Variants in KRT7 observed in about 807,000 individuals in gnomAD.
KRT7 encodes keratin 7, also known as keratin, type II cytoskeletal 7.
KRT7 carries 50 observed loss-of-function variants against 42.8 expected under a neutral mutation model. The ratio of observed to expected loss-of-function variants is 1.17; its 90% CI spans 0.93 to 1.48. The LOEUF (loss-of-function observed/expected upper bound fraction) is 1.48, where lower values mean the gene tolerates loss of function less well. Ranked by LOEUF, KRT7 falls within the 40% of genes most tolerant of loss-of-function variation. The probability of loss-of-function intolerance (pLI) is 0.00; values close to 1 mark genes in which losing one functional copy is unlikely to be tolerated. For missense variants in KRT7, 588 were observed against 637.6 expected (o/e 0.92, Z 0.84); for synonymous variants, 268 against 266.3 (o/e 1.01, Z -0.06).
chr12:52,235,567 T>G (rs1384889272), intron 2 of KRT7, among the ~76,000 whole-genome samples: 1 of 152,190 alleles, frequency 6.6e-6, no homozygotes, highest in Non-Finnish European at 1.5e-5. Context: ...TTCCAAATCA[T>G]TCTGGTCTTT....
rs558352688 is a variant in KRT7, at chr12:52,246,092, A to T, written c.1205+460A>T. The T allele has an allele frequency of 1.2e-4, 19 of 161,146 alleles. No individual in the cohort carries two copies. The Admixed American group carries it at 1.2e-3, about 10-fold the overall frequency. The allele number at this position is 161,146 out of a possible 1,614,324, so 10.0% of individuals were successfully genotyped here. Reference sequence around the variant, plus strand: ...TCACTACAGAACTAAGTGCTACATCATGTGGGGCTAACTGACTGTGGTGGA... The same window carrying T: ...TCACTACAGAACTAAGTGCTACATCTTGTGGGGCTAACTGACTGTGGTGGA... On this transcript the variant is annotated intron_variant, in intron 7 of 8. Transcript: ENST00000331817.
chr12:52,255,347 C>T (rs1189305429), downstream of KRT7: 2 of 456,708 alleles, frequency 4.4e-6, no homozygotes, highest in African/African-American at 4.0e-5. Context: ...TGGGGTCACT[C>T]ACCTTCTTCA....
At chr12:52,236,609 A>T (rs1942015920) in intron 2 of KRT7, among the ~76,000 whole-genome samples, 2 of 152,286 alleles carry the variant, frequency 1.3e-5, no homozygotes, top group Admixed American at 1.3e-4. Flanking sequence ...AGGGAGTGCA[A>T]CTTTGAGGGT....
chr12:52,250,490 G>A (rs930699087), downstream of KRT7: 10 of 669,146 alleles, frequency 1.5e-5, no homozygotes, highest in Admixed American at 8.5e-5. Context: ...CGGAGCGGCC[G>A]CTGCCGCTGC....
intron 5 of KRT7, among the ~76,000 whole-genome samples, chr12:52,242,575 C>T (rs913964150): frequency 3.3e-5 from 5 of 152,130 alleles, no homozygotes; most frequent in Admixed American, 6.5e-5. Flanking sequence ...GGTGAGAACA[C>T]AAGTATGCCA....
chr12:52,245,753 G>C (rs1241478661), intron 7 of KRT7, 121 bp downstream of exon 7: 42 of 1,283,686 alleles, frequency 3.3e-5, no homozygotes, highest in Non-Finnish European at 6.4e-6. Context: ...TGGGTGTGGG[G>C]ATGCAGGGAA....
downstream of KRT7, chr12:52,253,262 T>G: frequency 6.2e-7 from 1 of 1,611,732 alleles, no homozygotes; most frequent in Non-Finnish European, 8.5e-7. Flanking sequence ...GATCATGCGG[T>G]TCAGCTCGTT....
chr12:52,245,291 G>T, intron 6 of KRT7, 121 bp from the exon 7 acceptor site: 1 of 871,734 alleles, frequency 1.1e-6, no homozygotes, highest in South Asian at 1.5e-5. Flanking sequence ...TCTGGTACTT[G>T]GGGGAGTAGG....
downstream of KRT7, chr12:52,255,239 C>T (rs1179454457): frequency 2.1e-5 from 9 of 423,348 alleles, no homozygotes; most frequent in Non-Finnish European, 4.3e-5. Flanking sequence ...CTCCGAACTA[C>T]AGAGAGCCTG....
At chr12:52,252,387 G>A (rs765464599), downstream of KRT7, 2 of 1,614,026 alleles carry the variant, frequency 1.2e-6, no homozygotes, top group African/African-American at 2.7e-5. Flanking sequence ...CTTCTGCAGG[G>A]CACCCTCCAG....
chr12:52,233,918 C>A (rs539938575), intron 1 of KRT7, among the ~76,000 whole-genome samples: 1 of 152,298 alleles, frequency 6.6e-6, no homozygotes, highest in East Asian at 1.9e-4. Context: ...GCCTGTTGGT[C>A]ACCTGGACCA....
rs771513440 is a variant in KRT7 at position 52,245,479 on chromosome 12, G to A, written c.1052G>A (p.Arg351His). The change falls in exon 7 of 9, where the codon CGT (arginine) becomes CAT (histidine). Residue 351 changes from arginine (R) to histidine (H), a missense_variant. Coordinates refer to ENST00000331817, the MANE Select transcript of KRT7 (RefSeq NM_005556.4). ...GGGGAGCTGGCGCTCAAGGATGCTC[G>A]TGCCAAGCAGGAGGAGCTGGAAGCC... Reference protein sequence around the residue: ...ERGELALKDARAKQEELEAAL... With the variant: ...ERGELALKDAHAKQEELEAAL... The A allele has an allele frequency of 1.1e-5, 17 of 1,613,910 alleles. No homozygotes were observed. Among genetic ancestry groups the A allele is most frequent in the South Asian group, 4.4e-5 (4 of 91,074 alleles).
intron 2 of KRT7, among the ~76,000 whole-genome samples, chr12:52,236,204 C>T (rs971435268): frequency 2.7e-5 from 4 of 150,822 alleles, no homozygotes; most frequent in Non-Finnish European, 4.4e-5. Context: ...AGTGCCCCCC[C>T]CCAACACTCC....
chr12:52,233,650 G>C, intron 1 of KRT7, 30 bp downstream of exon 1: 2 of 1,607,750 alleles, frequency 1.2e-6, no homozygotes, highest in Non-Finnish European at 1.7e-6. Flanking sequence ...GCCTCTCCTC[G>C]AGCCGCGCTC....
intron 3 of KRT7, 23 bp from the exon 4 acceptor site, chr12:52,238,657 C>G: frequency 6.8e-7 from 1 of 1,467,934 alleles, no homozygotes; most frequent in Non-Finnish European, 9.6e-7. Context: ...TCTCCCTCTG[C>G]CCCATCTTGC....
chr12:52,244,253 G>C, intron 6 of KRT7: 8 of 909,918 alleles, frequency 8.8e-6, no homozygotes, highest in Non-Finnish European at 1.1e-5. Flanking sequence ...AGGCAGGGCC[G>C]TGAGTCACCC....
rs1942091580 is a variant in KRT7, at chr12:52,241,582, T to C, written c.804T>C (p.Tyr268=). 6.2e-7 allele frequency: 1 copy of C among 1,613,618 alleles called. No homozygotes were observed. The highest frequency in any genetic ancestry group is 2.2e-5 in the East Asian group (1 of 44,856). The part of the protein sequence containing the change: ...DGIIAEVKAQ[Y]EEMAKCSRAE... ...TCATCGCTGAGGTCAAGGCGCAGTA[T>C]GAGGAGATGGCCAAATGCAGCCGGG... Residue 268 remains tyrosine, a synonymous_variant, in exon 5 of 9, where the codon TAT becomes TAC. Coordinates refer to ENST00000331817, the MANE Select transcript of KRT7 (RefSeq NM_005556.4).
intron 2 of KRT7, 119 bp from the exon 3 acceptor site, chr12:52,237,386 TCAGG>T: frequency 1.6e-6 from 1 of 640,290 alleles, no homozygotes; most frequent in Admixed American, 2.9e-5. Context: ...ACCTGTTTTT[TCAGG>T]TGTGTCTTTA....
intron 6 of KRT7, chr12:52,245,112 T>C (rs1344391541): frequency 3.9e-6 from 2 of 508,002 alleles, no homozygotes; most frequent in Non-Finnish European, 6.9e-6. Context: ...GGACATCTTG[T>C]ATATTATCTC....
Sources: gnomAD v4.1 joint callset for allele counts (sites outside exome capture counted in the v4.1 genomes callset) on GRCh38, gnomAD v4.1.1 for gene constraint, MANE v1.5 for transcripts, NCBI Gene and HGNC (gene_info 2026-07-23, HGNC 2026-07-21) for gene names.